CAMTA1: variants seen among roughly 807,000 people sequenced by gnomAD.
CAMTA1 encodes calmodulin binding transcription activator 1, also known as calmodulin-binding transcription activator 1.
A neutral mutation model predicts 170.9 loss-of-function variants in CAMTA1; 27 were observed. That is an observed-to-expected ratio of 0.16 (90% CI 0.12 to 0.22). The LOEUF (loss-of-function observed/expected upper bound fraction) is 0.22, where lower values mean the gene tolerates loss of function less well. CAMTA1 is among the 10% of genes least tolerant of loss of function. The pLI is 1.00. For missense variants in CAMTA1, 1,619 were observed against 2,217.2 expected, an observed-to-expected ratio of 0.73 and a Z score of 5.42; for synonymous variants, 833 against 891.5, an observed-to-expected ratio of 0.93 and a Z score of 1.17.
At chr1:6,866,693 T>G (rs940551714) in intron 3 of CAMTA1, among the ~76,000 whole-genome samples, 1 of 152,062 alleles carries the variant, frequency 6.6e-6, no homozygotes, top group Non-Finnish European at 1.5e-5. Flanking sequence ...AAAATAGGAG[T>G]ATATCTAAAG....
chr1:7,436,454 T>C (rs996733644), intron 5 of CAMTA1, among the ~76,000 whole-genome samples: 1 of 152,076 alleles, frequency 6.6e-6, no homozygotes, highest in African/African-American at 2.4e-5. Context: ...CCTGGAGGGG[T>C]GCTCCCAGCT....
intron 6 of CAMTA1, among the ~76,000 whole-genome samples, chr1:7,629,871 G>C (rs1217333483): frequency 7.0e-6 from 1 of 142,958 alleles, no homozygotes; most frequent in African/African-American, 2.5e-5. Context: ...TCCTCTCTCG[G>C]GGGGCCTGGC....
chr1:7,093,252 C>T lies in CAMTA1; in HGVS notation c.302+1881C>T, dbSNP rs1641693526. ...GCAGGTGCGGTGCAGGGGGCCTGAACATGTGTTATTTCTAACAAGCTCCCA... is the reference window on the plus strand; with the variant it reads ...GCAGGTGCGGTGCAGGGGGCCTGAATATGTGTTATTTCTAACAAGCTCCCA... On this transcript the variant is annotated intron_variant, in intron 4 of 22. Coordinates refer to ENST00000303635, the MANE Select transcript of CAMTA1 (RefSeq NM_015215.4). The surrounding 1 kb of genome is among the most constrained non-coding windows in gnomAD (Gnocchi z 4.6). Among the ~76,000 whole-genome samples the T allele has an allele frequency of 6.6e-6, 1 of 152,124 alleles. No individual in the cohort carries two copies. The highest frequency in any genetic ancestry group is 2.1e-4 in the South Asian group (1 of 4,822).
chr1:7,089,480 TCTCACTC>T (rs1235101791), intron 3 of CAMTA1, among the ~76,000 whole-genome samples: 4 of 152,096 alleles, frequency 2.6e-5, no homozygotes, highest in Non-Finnish European at 4.4e-5. Context: ...ACACACACTC[TCTCACTC>T]ACGTGTGCAT....
intron 5 of CAMTA1, among the ~76,000 whole-genome samples, chr1:7,409,877 G>T (rs2090586455): frequency 6.6e-6 from 1 of 152,228 alleles, no homozygotes; most frequent in Non-Finnish European, 1.5e-5. Flanking sequence ...TCATTGCAGG[G>T]TCTTTCAAGC....
intron 3 of CAMTA1, among the ~76,000 whole-genome samples, chr1:6,826,852 AT>A (rs1319076874): frequency 6.6e-6 from 1 of 152,224 alleles, no homozygotes; most frequent in Non-Finnish European, 1.5e-5. Context: ...AGTGCTGGGA[AT>A]TTAGTTGGTA....
At chr1:7,172,211 G>C (rs532636200) in intron 4 of CAMTA1, among the ~76,000 whole-genome samples, 1 of 151,858 alleles carries the variant, frequency 6.6e-6, no homozygotes, top group South Asian at 2.1e-4. Flanking sequence ...GTGCAGTGGC[G>C]CTATCTTGCC....
At chr1:7,269,019 T>G (rs1398477666) in intron 5 of CAMTA1, among the ~76,000 whole-genome samples, 1 of 152,228 alleles carries the variant, frequency 6.6e-6, no homozygotes, top group African/African-American at 2.4e-5. Flanking sequence ...CCAGATGAGT[T>G]ATCTATTGAT....
intron 5 of CAMTA1, among the ~76,000 whole-genome samples, chr1:7,304,847 A>G (rs1675338872): frequency 6.6e-6 from 1 of 151,908 alleles, no homozygotes; most frequent in African/African-American, 2.4e-5. Context: ...TTTTTTCTAG[A>G]CATTTAAAAA....
intron 6 of CAMTA1, among the ~76,000 whole-genome samples, chr1:7,582,650 G>A (rs555620016): frequency 4.6e-4 from 70 of 152,176 alleles, no homozygotes; most frequent in African/African-American, 1.5e-3. Flanking sequence ...TCCAGCCATC[G>A]TGTCTTCATC....
At chr1:7,631,891 A>C (rs2095671775) in intron 6 of CAMTA1, among the ~76,000 whole-genome samples, 2 of 152,112 alleles carry the variant, frequency 1.3e-5, no homozygotes, top group Admixed American at 1.3e-4. Context: ...CCCACCTCAC[A>C]CTGCTACCCA....
At chr1:7,749,906 C>A (rs530671703) in intron 19 of CAMTA1, 4 of 403,844 alleles carry the variant, frequency 9.9e-6, no homozygotes, top group Non-Finnish European at 1.5e-5. Context: ...GTAAACATAT[C>A]CCCCTTGCCA....
chr1:7,505,220 C>T (rs1335640702), intron 6 of CAMTA1, among the ~76,000 whole-genome samples: 1 of 152,238 alleles, frequency 6.6e-6, no homozygotes, highest in South Asian at 2.1e-4. Context: ...CCCTGAGTGG[C>T]CTCCAGGACC....
chr1:7,628,012 G>A (rs1308023768), intron 6 of CAMTA1, among the ~76,000 whole-genome samples: 1 of 152,180 alleles, frequency 6.6e-6, no homozygotes, highest in Admixed American at 6.5e-5. Context: ...AGGCTCATGG[G>A]CGATGCAACA....
At chr1:6,815,568 A>G (rs1183274936) in intron 1 of CAMTA1, among the ~76,000 whole-genome samples, 1 of 152,184 alleles carries the variant, frequency 6.6e-6, no homozygotes, top group African/African-American at 2.4e-5. Context: ...AGTTTCTACT[A>G]ATTATCTTGT....
intron 5 of CAMTA1, among the ~76,000 whole-genome samples, chr1:7,465,394 G>A (rs1196708647): frequency 6.6e-6 from 1 of 152,062 alleles, no homozygotes. Context: ...TCCTCCTCTG[G>A]TACTGTTTGA....
At chr1:6,978,239 A>T (rs936043793) in intron 3 of CAMTA1, among the ~76,000 whole-genome samples, 2 of 152,280 alleles carry the variant, frequency 1.3e-5, no homozygotes, top group African/African-American at 4.8e-5. Flanking sequence ...CGATTGTTTT[A>T]ACACAAAAGA....
At chr1:7,171,696 G>A (rs1234943493) in intron 4 of CAMTA1, among the ~76,000 whole-genome samples, 1 of 152,202 alleles carries the variant, frequency 6.6e-6, no homozygotes, top group Non-Finnish European at 1.5e-5. Context: ...CGCAGTCACT[G>A]CTACCTAATT....
chr1:7,486,478 A>G (rs943276740), intron 6 of CAMTA1, among the ~76,000 whole-genome samples: 5 of 152,132 alleles, frequency 3.3e-5, no homozygotes, highest in Non-Finnish European at 7.4e-5. Flanking sequence ...GATAATGCTC[A>G]TGCCTTAAGG....
Sources: allele counts gnomAD v4.1 joint callset (sites outside exome capture counted in the v4.1 genomes callset), GRCh38; gene constraint gnomAD v4.1.1; non-coding constraint Gnocchi (gnomAD v3.1); transcripts MANE v1.5; gene names NCBI Gene and HGNC (gene_info 2026-07-23, HGNC 2026-07-21).